Variants in ASTL observed in about 807,000 individuals in gnomAD.
The protein encoded by ASTL is astacin like metalloendopeptidase.
A neutral mutation model predicts 36.7 loss-of-function variants in ASTL; 27 were observed. That is an observed-to-expected ratio of 0.73 (90% CI 0.54 to 1.01). The LOEUF is 1.01. ASTL is among the 50% of genes least tolerant of loss of function. ASTL has a pLI of 0.00. For missense variants in ASTL, 524 were observed against 572.8 expected, an observed-to-expected ratio of 0.91 and a Z score of 0.87; for synonymous variants, 222 against 228.1, an observed-to-expected ratio of 0.97 and a Z score of 0.24.
In ASTL at chr2:96,130,117, C is replaced by G. The variant is rs979594918; in HGVS notation, c.666G>C (p.Gln222His). The change falls in exon 7 of 9, where the codon CAG (glutamine) becomes CAC (histidine). Residue 222 changes from glutamine (Q) to histidine (H), a missense_variant. Transcript: ENST00000342380. ...CATAGGGCGTCAGCATGTTGCTGCT[C>G]TGAGACTTGATGAAGTTGATTTCAA... The part of the protein sequence containing the change: ...PGFEINFIKS[Q>H]SSNMLTPYDY... 5 of 1,613,870 alleles carry G rather than the reference C, an allele frequency of 3.1e-6. No individual in the cohort carries two copies. The highest frequency in any genetic ancestry group is 1.7e-5 in the Admixed American group (1 of 60,008).
intron 1 of ASTL, 102 bp from the exon 2 acceptor site, chr2:96,137,802 TC>T: frequency 8.1e-7 from 1 of 1,232,432 alleles, no homozygotes; most frequent in African/African-American, 1.5e-5. Context: ...ACGGTAAGAC[TC>T]AGTCCCTAGG....
At chr2:96,127,637 G>C (rs1429723463) in intron 8 of ASTL, among the ~76,000 whole-genome samples, 1 of 151,876 alleles carries the variant, frequency 6.6e-6, no homozygotes, top group Non-Finnish European at 1.5e-5. Flanking sequence ...GCAGTGGCAC[G>C]ATCTTGGCTC....
chr2:96,122,836 C>T lies in ASTL; in HGVS notation c.*1014G>A, dbSNP rs1051196653. Among the ~76,000 whole-genome samples the T allele has an allele frequency of 2.0e-5, 3 of 152,254 alleles. No individual in the cohort carries two copies. Among genetic ancestry groups the T allele is most frequent in the Non-Finnish European group, 4.4e-5 (3 of 68,040 alleles). On this transcript the variant is annotated 3_prime_UTR_variant, in exon 9 of 9. Coordinates refer to ENST00000342380, the MANE Select transcript of ASTL (RefSeq NM_001002036.4). ...GGGAAGGTCAGCACAGCACACTCCA[C>T]TTTATTTCCTCCCCCAACATGTGGG...
At chr2:96,125,696 A>G (rs775812227) in intron 8 of ASTL, among the ~76,000 whole-genome samples, 19 of 152,146 alleles carry the variant, frequency 1.2e-4, no homozygotes, top group Admixed American at 3.3e-4. Flanking sequence ...TAATCCCAGT[A>G]CTTTGGGAGG....
At chr2:96,135,655 T>C (rs1459992611) in intron 2 of ASTL, among the ~76,000 whole-genome samples, 1 of 152,198 alleles carries the variant, frequency 6.6e-6, no homozygotes, top group Non-Finnish European at 1.5e-5. Flanking sequence ...TGTCTGCAGG[T>C]GTGAGGGGGC....
At chr2:96,134,139 AC>A in intron 3 of ASTL, 81 bp from the exon 4 acceptor site, 1 of 882,990 alleles carries the variant, frequency 1.1e-6, no homozygotes, top group Non-Finnish European at 1.9e-6. Flanking sequence ...ACCCCAGGGC[AC>A]CAGAACCCCA....
At chr2:96,128,326 A>G (rs906594622) in intron 8 of ASTL, among the ~76,000 whole-genome samples, 3 of 152,218 alleles carry the variant, frequency 2.0e-5, no homozygotes, top group Admixed American at 6.5e-5. Context: ...GAATTTATGA[A>G]TCTTTCTAGT....
At chr2:96,135,220 C>T (rs1271534729) in intron 3 of ASTL, 131 bp downstream of exon 3, 2 of 668,700 alleles carry the variant, frequency 3.0e-6, no homozygotes, top group Middle Eastern at 3.0e-4. Context: ...CTGACCTTGA[C>T]AAAAAGAGGC....
chr2:96,138,347 G>A (rs1445028104), intron 1 of ASTL, 35 bp downstream of exon 1: 3 of 1,585,532 alleles, frequency 1.9e-6, no homozygotes, highest in African/African-American at 1.3e-5. Flanking sequence ...CTCCAGGCTG[G>A]AGCCAGCAGC....
chr2:96,130,007 C>T, intron 7 of ASTL, 29 bp from the exon 8 acceptor site: 1 of 1,612,204 alleles, frequency 6.2e-7, no homozygotes, highest in South Asian at 1.1e-5. Context: ...CCCCTGAGTC[C>T]AGATCACCAC....
At position 96,123,859 on chromosome 2, in the gene ASTL, G is replaced by A. The variant is rs142160446; in HGVS notation, c.1287C>T (p.Ser429=). Residue 429 remains serine (S), a synonymous_variant, in exon 9 of 9, where the codon TCC becomes TCT. Transcript: ENST00000342380. ...CVPRNHFKGM[S]ED The stretch of plus-strand genomic sequence containing the variant: ...GACAGAAGCCACAGGCTTAATCTTC[G>A]GACATCCCCTTGAAATGATTTCTAG... 1,585 of 1,612,586 alleles carry A rather than the reference G, an allele frequency of 9.8e-4. 2 individuals are homozygous for A. Among genetic ancestry groups the A allele is most frequent in the Non-Finnish European group, 1.2e-3 (1,452 of 1,179,452 alleles).
intron 8 of ASTL, among the ~76,000 whole-genome samples, chr2:96,126,899 A>G (rs1340371003): frequency 6.6e-6 from 1 of 152,196 alleles, no homozygotes; most frequent in Admixed American, 6.5e-5. Context: ...GAGTTATTGT[A>G]GGACCTAGCA....
chr2:96,133,828 G>A, intron 4 of ASTL, 137 bp downstream of exon 4: 2 of 699,896 alleles, frequency 2.9e-6, no homozygotes, highest in Non-Finnish European at 5.2e-6. Context: ...AGCAACAGAA[G>A]GGCATCTGTG....
At chr2:96,134,417 G>T (rs1433155767) in intron 3 of ASTL, among the ~76,000 whole-genome samples, 1 of 152,172 alleles carries the variant, frequency 6.6e-6, no homozygotes, top group Non-Finnish European at 1.5e-5. Context: ...CCTTCCAGAG[G>T]GGAACAGCCA....
chr2:96,133,389 G>A (rs1682226141), intron 5 of ASTL, 36 bp downstream of exon 5: 2 of 1,358,194 alleles, frequency 1.5e-6, no homozygotes, highest in Non-Finnish European at 2.1e-6. Context: ...GAACGCAGAA[G>A]CGAGCTGAGA....
chr2:96,126,891 G>A (rs1682075641), intron 8 of ASTL, among the ~76,000 whole-genome samples: 1 of 151,994 alleles, frequency 6.6e-6, no homozygotes, highest in African/African-American at 2.4e-5. Flanking sequence ...TAAACATGGA[G>A]TTATTGTAGG....
In ASTL at chr2:96,137,715, C is replaced by T; in HGVS notation, c.56-15G>A. On this transcript the variant is annotated splice_polypyrimidine_tract_variant and intron_variant, in intron 1 of 8. Coordinates refer to ENST00000342380, the MANE Select transcript of ASTL (RefSeq NM_001002036.4). ...TAGGATCACACCTGGTCCAGACAGA[C>T]AGGGGCATACACAGATGCCTGGAGC... is the stretch of plus-strand genomic sequence containing the variant. The T allele has an allele frequency of 1.2e-6, 2 of 1,608,632 alleles. No homozygotes were observed. Among genetic ancestry groups the T allele is most frequent in the Non-Finnish European group, 1.7e-6 (2 of 1,177,610 alleles).
At chr2:96,129,505 T>A (rs568349402) in intron 8 of ASTL, among the ~76,000 whole-genome samples, 1 of 152,296 alleles carries the variant, frequency 6.6e-6, no homozygotes, top group Admixed American at 6.5e-5. Context: ...TGCCACACAA[T>A]GTGGAGTAGA....
At chr2:96,136,990 G>A (rs1367947554) in intron 2 of ASTL, among the ~76,000 whole-genome samples, 8 of 152,072 alleles carry the variant, frequency 5.3e-5, no homozygotes, top group Non-Finnish European at 1.2e-4. Context: ...GACTACAGGC[G>A]CCCGCCACCA....
Sources: allele counts gnomAD v4.1 joint callset (sites outside exome capture counted in the v4.1 genomes callset), GRCh38; gene constraint gnomAD v4.1.1; transcripts MANE v1.5; gene names NCBI Gene and HGNC (gene_info 2026-07-23, HGNC 2026-07-21).